The following BTG4 variants were observed in gnomAD, a reference collection of about 807,000 sequenced individuals.
BTG4 encodes the protein BTG anti-proliferation factor 4, also known as protein BTG4.
In BTG4, 10 loss-of-function variants were observed where a neutral mutation model predicts 19.3. The ratio of observed to expected loss-of-function variants is 0.52; its 90% CI spans 0.32 to 0.88. BTG4 has a LOEUF of 0.88. Among genes scored for constraint, BTG4 ranks in the 40% least tolerant of loss-of-function variants. The pLI is 0.04. For missense variants in BTG4, 238 were observed against 281.9 expected, an observed-to-expected ratio of 0.84 and a Z score of 1.11; for synonymous variants, 91 against 95.7, an observed-to-expected ratio of 0.95 and a Z score of 0.29.
At chr11:111,407,040 G>A in the BTG4 span, among the ~76,000 whole-genome samples, 1 of 151,986 alleles carries the variant, frequency 6.6e-6, no homozygotes, top group Non-Finnish European at 1.5e-5. Context: ...AAAGGATTAA[G>A]TGAATTAATG....
the BTG4 span, among the ~76,000 whole-genome samples, chr11:111,439,048 C>T: frequency 1.3e-5 from 2 of 152,218 alleles, no homozygotes; most frequent in Admixed American, 6.5e-5. Context: ...CCCCCTGTCC[C>T]GCACACCCAC....
At chr11:111,393,394 A>G in the BTG4 span, among the ~76,000 whole-genome samples, 1 of 152,218 alleles carries the variant, frequency 6.6e-6, no homozygotes, top group Non-Finnish European at 1.5e-5. Context: ...AGGCAGCAGC[A>G]GCAGCACCTG....
the BTG4 span, among the ~76,000 whole-genome samples, chr11:111,421,110 G>A: frequency 6.6e-6 from 1 of 152,202 alleles, no homozygotes; most frequent in East Asian, 1.9e-4. Flanking sequence ...AAGGAACCAA[G>A]GTCCCAAGTG....
the BTG4 span, among the ~76,000 whole-genome samples, chr11:111,401,311 G>A: frequency 5.7e-3 from 848 of 147,844 alleles, 3 homozygotes; most frequent in African/African-American, 0.02. Flanking sequence ...GTGAAAACCC[G>A]TCTCTACTAA....
chr11:111,398,899 A>G, the BTG4 span, among the ~76,000 whole-genome samples: 1 of 152,112 alleles, frequency 6.6e-6, no homozygotes, highest in Non-Finnish European at 1.5e-5. Context: ...GTTTATCCCT[A>G]TTTAAAAGCA....
chr11:111,456,610 G>A, the BTG4 span: 83 of 452,148 alleles, frequency 1.8e-4, no homozygotes, highest in Non-Finnish European at 3.3e-4. This position sits in a 1 kb window ranked among gnomAD's most constrained non-coding sequence, Gnocchi z 4.2. Flanking sequence ...TCCAGCCAGC[G>A]GCCACGCAGG....
the BTG4 span, among the ~76,000 whole-genome samples, chr11:111,441,663 C>T: frequency 2.0e-5 from 3 of 152,210 alleles, no homozygotes; most frequent in African/African-American, 7.2e-5. Flanking sequence ...AGTTCTTGTA[C>T]AGGGTAAGAA....
At chr11:111,493,854 C>T (rs1200006830), downstream of BTG4, among the ~76,000 whole-genome samples, 2 of 152,090 alleles carry the variant, frequency 1.3e-5, no homozygotes, top group Non-Finnish European at 2.9e-5. Flanking sequence ...AGAGCTGCAC[C>T]CAAAGTAATG....
chr11:111,403,691 G>C, the BTG4 span, among the ~76,000 whole-genome samples: 1 of 152,146 alleles, frequency 6.6e-6, no homozygotes, highest in Non-Finnish European at 1.5e-5. Context: ...CTCAAACAGA[G>C]CTTGGCATTT....
At chr11:111,477,692 G>A (rs1864477201) in intron 5 of BTG4, among the ~76,000 whole-genome samples, 3 of 151,970 alleles carry the variant, frequency 2.0e-5, no homozygotes, top group Non-Finnish European at 2.9e-5. Context: ...TTTCCCCATC[G>A]TATATTCCAG....
At chr11:111,435,578 C>T in the BTG4 span, among the ~76,000 whole-genome samples, 1 of 152,134 alleles carries the variant, frequency 6.6e-6, no homozygotes, top group African/African-American at 2.4e-5. Flanking sequence ...CTGGGTCCAG[C>T]CCACCAGGCT....
the BTG4 span, among the ~76,000 whole-genome samples, chr11:111,445,630 C>T: frequency 3.4e-4 from 52 of 152,292 alleles, 1 homozygote; most frequent in African/African-American, 1.2e-3. Flanking sequence ...AAGCAGAGAA[C>T]AATTGTTCTC....
At chr11:111,436,378 C>A in the BTG4 span, among the ~76,000 whole-genome samples, 1 of 152,182 alleles carries the variant, frequency 6.6e-6, no homozygotes, top group Non-Finnish European at 1.5e-5. Flanking sequence ...GCACTCCCAG[C>A]ACTTTGGGAA....
the BTG4 span, among the ~76,000 whole-genome samples, chr11:111,445,711 G>A: frequency 5.3e-5 from 8 of 152,092 alleles, no homozygotes; most frequent in South Asian, 2.1e-4. Context: ...AGTCTTTTCC[G>A]GTTTGCCATT....
At chr11:111,395,877 G>A in the BTG4 span, among the ~76,000 whole-genome samples, 222 of 152,318 alleles carry the variant, frequency 1.5e-3, no homozygotes, top group Middle Eastern at 6.8e-3. Flanking sequence ...CAAACTTAGA[G>A]GCACGCCTCC....
At chr11:111,497,057 GAA>G in intron 4 of BTG4, 152 bp downstream of exon 4, 1 of 646,302 alleles carries the variant, frequency 1.5e-6, no homozygotes, top group Non-Finnish European at 2.5e-6. Flanking sequence ...GAAGGAGACA[GAA>G]AAAGTTTTGC....
chr11:111,443,024 T>A, the BTG4 span, among the ~76,000 whole-genome samples: 1 of 152,162 alleles, frequency 6.6e-6, no homozygotes, highest in Non-Finnish European at 1.5e-5. Flanking sequence ...CAACGCTACC[T>A]CAGCCAGGTG....
chr11:111,454,932 T>C, the BTG4 span: 1 of 453,962 alleles, frequency 2.2e-6, no homozygotes, highest in East Asian at 7.0e-5. Context: ...GGAACAGAGT[T>C]CACACACACT....
At chr11:111,394,334 T>A in the BTG4 span, among the ~76,000 whole-genome samples, 1 of 152,190 alleles carries the variant, frequency 6.6e-6, no homozygotes, top group East Asian at 1.9e-4. Flanking sequence ...CCACATGTTG[T>A]GGGAGGGACC....
Sources: allele counts gnomAD v4.1 joint callset (sites outside exome capture counted in the v4.1 genomes callset), GRCh38; gene constraint gnomAD v4.1.1; non-coding constraint Gnocchi (gnomAD v3.1); transcripts MANE v1.5; gene names NCBI Gene and HGNC (gene_info 2026-07-23, HGNC 2026-07-21).